FBLIM1: variants seen among roughly 807,000 people sequenced by gnomAD.
FBLIM1 encodes the protein filamin-binding LIM protein 1.
A neutral mutation model predicts 37.4 loss-of-function variants in FBLIM1; 29 were observed. That is an observed-to-expected ratio of 0.77 (90% CI 0.58 to 1.06). The LOEUF (loss-of-function observed/expected upper bound fraction) is 1.06. FBLIM1 is among the 50% of genes least tolerant of loss of function. FBLIM1 has a pLI of 0.00. For synonymous variants in FBLIM1, 193 were observed against 199.0 expected, an observed-to-expected ratio of 0.97 and a Z score of 0.25; for missense variants, 449 against 505.6, an observed-to-expected ratio of 0.89 and a Z score of 1.07.
At chr1:15,760,572 C>G (rs1170239529) in intron 1 of FBLIM1, among the ~76,000 whole-genome samples, 2 of 148,086 alleles carry the variant, frequency 1.4e-5, no homozygotes, top group Non-Finnish European at 3.0e-5. Flanking sequence ...TTAGAGGTGG[C>G]CCCAGAGGTT....
rs145813287 is a variant in FBLIM1 at position 15,765,119 on chromosome 1, C to T, written c.136C>T (p.Pro46Ser). Residue 46 changes from proline to serine, a missense_variant, in exon 3 of 9, where the codon CCT becomes TCT. By Grantham distance (74) the Pro-to-Ser change is moderately conservative. Coordinates refer to ENST00000375766, the MANE Select transcript of FBLIM1 (RefSeq NM_017556.4). The surrounding 1 kb of genome is among the most constrained non-coding windows in gnomAD (Gnocchi z 5.9). ...CCGGCGTGGCCGCCCCTGGGAGGCT[C>T]CTGCCCCCATGAAGACACCCGAGGC... ...EARRGRPWEAPAPMKTPEAGL... is the reference protein window; with the variant it reads ...EARRGRPWEASAPMKTPEAGL... 1.1e-5 allele frequency: 17 copies of T among 1,613,820 alleles called. No homozygotes were observed. The South Asian group carries it at 1.5e-4, about 15-fold the overall frequency.
chr1:15,783,791 C>T (rs949603831), intron 8 of FBLIM1, among the ~76,000 whole-genome samples: 8 of 151,904 alleles, frequency 5.3e-5, no homozygotes, highest in Non-Finnish European at 1.2e-4. Context: ...ACCGTGTTAG[C>T]CAGGATGGTC....
chr1:15,760,485 G>A (rs897907986), intron 1 of FBLIM1, among the ~76,000 whole-genome samples: 1 of 145,108 alleles, frequency 6.9e-6, no homozygotes, highest in African/African-American at 2.6e-5. Flanking sequence ...AGCTGAGATT[G>A]CGCCACTGCA....
At chr1:15,768,665 T>G in intron 5 of FBLIM1, 35 bp downstream of exon 5, 1 of 1,545,636 alleles carries the variant, frequency 6.5e-7, no homozygotes, top group Non-Finnish European at 8.8e-7. Context: ...ACTGGGGTGA[T>G]CTCATGGGGC....
chr1:15,757,087 G>A (rs546894964), upstream of FBLIM1, among the ~76,000 whole-genome samples: 3 of 152,338 alleles, frequency 2.0e-5, no homozygotes, highest in Admixed American at 1.3e-4. The surrounding 1 kb of genome is among the most constrained non-coding windows in gnomAD (Gnocchi z 4.1). Flanking sequence ...GTGCTGCAAA[G>A]CTGGAGTTTT....
Position 15,770,568 on chromosome 1 carries a change from C to G in FBLIM1, c.701C>G (p.Pro234Arg), listed in dbSNP as rs770553281. The G allele has an allele frequency of 3.1e-6, 5 of 1,613,724 alleles. No individual in the cohort carries two copies. The highest frequency in any genetic ancestry group is 1.7e-5 in the Admixed American group (1 of 59,994). The part of the protein sequence containing the change: ...YQKDGRPLCE[P>R]CYQDTLERCG... ...AAGGATGGGCGACCCCTCTGCGAAC[C>G]CTGCTACCAGGTAACCCCTGCAGCA... The change falls in exon 6 of 9, where the codon CCC becomes CGC. Residue 234 changes from proline (P) to arginine (R), a missense_variant. Pro to Arg is a moderately radical substitution (Grantham distance 103, BLOSUM62 -2). Transcript: ENST00000375766.
chr1:15,759,240 G>T (rs1176822948), intron 1 of FBLIM1, among the ~76,000 whole-genome samples: 4 of 152,184 alleles, frequency 2.6e-5, no homozygotes, highest in Non-Finnish European at 4.4e-5. Flanking sequence ...CGCCCTGCTC[G>T]GCTGCCTGCG....
At position 15,765,521 on chromosome 1, in the gene FBLIM1, G is replaced by C. The variant is rs2068873778; in HGVS notation, c.250+288G>C. Among the ~76,000 whole-genome samples, 1 of 151,936 alleles carries C rather than the reference G, an allele frequency of 6.6e-6. No homozygotes were observed. Among genetic ancestry groups the C allele is most frequent in the African/African-American group, 2.4e-5 (1 of 41,364 alleles). ...CCTGGGAAGGGCTGTCCTGTCACTG[G>C]TCAGCATGGCTGGCTGGCCGTTTCG... On this transcript the variant is annotated intron_variant, in intron 3 of 8. Coordinates refer to ENST00000375766, the MANE Select transcript of FBLIM1 (RefSeq NM_017556.4). This position sits in a 1 kb window ranked among gnomAD's most constrained non-coding sequence, Gnocchi z 5.9.
At chr1:15,782,298 C>T (rs1431340351) in intron 8 of FBLIM1, among the ~76,000 whole-genome samples, 1 of 151,296 alleles carries the variant, frequency 6.6e-6, no homozygotes. Context: ...GTTCCAGCTA[C>T]TCTGGAGGCT....
chr1:15,781,724 T>C (rs1447755902), intron 8 of FBLIM1, among the ~76,000 whole-genome samples: 1 of 146,438 alleles, frequency 6.8e-6, no homozygotes, highest in African/African-American at 2.5e-5. Flanking sequence ...TATTGTTTTT[T>C]TTTTTTTTTT....
chr1:15,776,885 A>T, intron 7 of FBLIM1: 3 of 246,680 alleles, frequency 1.2e-5, no homozygotes, highest in Admixed American at 5.5e-5. Flanking sequence ...AAAAAAAAAA[A>T]GAAGTACTGA....
chr1:15,768,239 G>A (rs148231960), intron 4 of FBLIM1, among the ~76,000 whole-genome samples: 7 of 151,838 alleles, frequency 4.6e-5, no homozygotes, highest in South Asian at 2.1e-4. Flanking sequence ...AATGGGGGGC[G>A]TCACAGGCCA....
chr1:15,759,242 C>T (rs948602796), intron 1 of FBLIM1, among the ~76,000 whole-genome samples: 5 of 152,220 alleles, frequency 3.3e-5, no homozygotes, highest in Admixed American at 2.6e-4. Flanking sequence ...CCCTGCTCGG[C>T]TGCCTGCGGA....
At chr1:15,770,657 A>G in intron 6 of FBLIM1, 79 bp downstream of exon 6, 2 of 1,502,586 alleles carry the variant, frequency 1.3e-6, no homozygotes, top group Non-Finnish European at 1.8e-6. Context: ...CATTCCCCAC[A>G]CAGTCCTGGG....
rs1335573515 is a variant in FBLIM1, at chr1:15,767,567, CT to C, written c.438+5del. On this transcript the variant is annotated splice_donor_5th_base_variant and intron_variant, in intron 4 of 8. Coordinates refer to ENST00000375766, the MANE Select transcript of FBLIM1 (RefSeq NM_017556.4). ...CCCGCCCCCGCCCCCACCACAGGTA[CT>C]GCCTGCCCCCCGACCCCCAGCAATC... 1 of 1,058,928 alleles carries C rather than the reference CT, an allele frequency of 9.4e-7. No individual in the cohort carries two copies. Among genetic ancestry groups the C allele is most frequent in the African/African-American group, 1.7e-5 (1 of 58,802 alleles). 65.6% of individuals were successfully genotyped at this position (1,058,928 alleles called of 1,614,324 possible).
At position 15,785,857 on chromosome 1, in the gene FBLIM1, C is replaced by T. The variant is rs562511045; in HGVS notation, c.*1196C>T. 48 of 152,380 alleles carry T rather than the reference C, an allele frequency of 3.2e-4. 1 individual carries two copies. The highest frequency in any genetic ancestry group is 3.1e-3 in the Admixed American group (47 of 15,284). The allele number at this position is 152,380 out of a possible 1,614,324, so 9.4% of individuals were successfully genotyped here. A position where few individuals can be genotyped will look rare whatever the true frequency, so the allele number is the denominator to read the frequency against. On this transcript the variant is annotated 3_prime_UTR_variant, in exon 9 of 9. Transcript: ENST00000375766. ...AGGAGAGGGTGGTCCGCAGACACCC[C>T]GGGATGTCAGCATCCCCCGACCTGC...
chr1:15,763,358 T>C (rs1162599412), intron 1 of FBLIM1, among the ~76,000 whole-genome samples: 1 of 151,370 alleles, frequency 6.6e-6, no homozygotes, highest in Non-Finnish European at 1.5e-5. Context: ...CTCACCGGGG[T>C]GCGATGGCTC....
In FBLIM1 at chr1:15,784,735, C is replaced by T; in HGVS notation, c.*74C>T. ...TCCCTGACTTGGTTTCCCTTCCTAA[C>T]CTGCTCTTGCACACTTTCCTTCTGA... On this transcript the variant is annotated 3_prime_UTR_variant, in exon 9 of 9. Transcript: ENST00000375766. 7.6e-7 allele frequency: 1 copy of T among 1,308,714 alleles called. No individual in the cohort carries two copies. The highest frequency in any genetic ancestry group is 2.3e-5 in the East Asian group (1 of 43,154). The allele number at this position is 1,308,714 out of a possible 1,614,324, so 81.1% of individuals were successfully genotyped here.
chr1:15,768,628 C>T lies in FBLIM1; in HGVS notation c.539C>T (p.Thr180Ile). 4 of 1,608,634 alleles carry T rather than the reference C, an allele frequency of 2.5e-6. No individual in the cohort carries two copies. The highest frequency in any genetic ancestry group is 3.4e-5 in the Admixed American group (2 of 58,950). ...GAACCTGTTGAGAAAGGGGCATCCA[C>T]AGGTAGGTGCACAGGGCTGAGAGGA... ...PAEPVEKGASTDICAFCHKTV... is the reference protein window; with the variant it reads ...PAEPVEKGASIDICAFCHKTV... Residue 180 changes from threonine (T) to isoleucine (I), a missense_variant and splice_region_variant, in exon 5 of 9, where the codon ACA becomes ATA. Transcript: ENST00000375766.
Sources: allele counts gnomAD v4.1 joint callset (sites outside exome capture counted in the v4.1 genomes callset), GRCh38; gene constraint gnomAD v4.1.1; non-coding constraint Gnocchi (gnomAD v3.1); transcripts MANE v1.5; gene names NCBI Gene and HGNC (gene_info 2026-07-23, HGNC 2026-07-21).